The following GAS2 variants were observed in gnomAD, a reference collection of about 807,000 sequenced individuals.
GAS2 encodes the protein growth arrest specific 2.
Under a neutral mutation model 37.5 loss-of-function variants are expected in GAS2, and 20 were observed. The ratio of observed to expected loss-of-function variants is 0.53; its 90% CI spans 0.37 to 0.77. GAS2 has a LOEUF of 0.77. GAS2 is among the 30% of genes least tolerant of loss of function. The pLI, the probability that GAS2 is intolerant of heterozygous loss-of-function variation, is 0.00. For missense variants in GAS2, 336 were observed against 373.4 expected, an observed-to-expected ratio of 0.90 and a Z score of 0.82; for synonymous variants, 144 against 132.2, an observed-to-expected ratio of 1.09 and a Z score of -0.61.
chr11:22,729,387 G>A (rs1185918832), intron 4 of GAS2, among the ~76,000 whole-genome samples: 1 of 151,868 alleles, frequency 6.6e-6, no homozygotes, highest in Non-Finnish European at 1.5e-5. Context: ...GTGAGGGAAG[G>A]TGTGCAAGCG....
At chr11:22,641,705 T>A (rs1406061884) in intron 1 of GAS2, among the ~76,000 whole-genome samples, 1 of 152,174 alleles carries the variant, frequency 6.6e-6, no homozygotes, top group Non-Finnish European at 1.5e-5. Flanking sequence ...CTGAATGTGC[T>A]TTTGATTCCT....
chr11:22,752,439 C>T (rs1200229156), intron 6 of GAS2, among the ~76,000 whole-genome samples: 3 of 151,982 alleles, frequency 2.0e-5, no homozygotes, highest in Admixed American at 6.6e-5. Context: ...GAAATTAATA[C>T]ATCTAATATA....
chr11:22,678,860 T>C (rs778984825), intron 2 of GAS2, among the ~76,000 whole-genome samples: 1 of 151,990 alleles, frequency 6.6e-6, no homozygotes, highest in Non-Finnish European at 1.5e-5. Flanking sequence ...TGTATTATAC[T>C]GTCATTTCCA....
At chr11:22,644,202 T>A (rs897113033) in intron 1 of GAS2, among the ~76,000 whole-genome samples, 16 of 152,204 alleles carry the variant, frequency 1.1e-4, no homozygotes, top group African/African-American at 2.2e-4. Flanking sequence ...TTCTTTTTTT[T>A]AAAATTACTT....
At chr11:22,683,871 T>G (rs1849816491) in intron 2 of GAS2, among the ~76,000 whole-genome samples, 1 of 152,210 alleles carries the variant, frequency 6.6e-6, no homozygotes, top group Non-Finnish European at 1.5e-5. Context: ...CCTCAAGGTT[T>G]GTAACATACT....
chr11:22,661,399 T>C (rs1299410722), intron 1 of GAS2, among the ~76,000 whole-genome samples: 1 of 152,184 alleles, frequency 6.6e-6, no homozygotes, highest in African/African-American at 2.4e-5. Context: ...AGATTTGAAA[T>C]ATAAGGATGA....
rs1158832714 is a variant in GAS2 at position 22,789,383 on chromosome 11, CAT to C, written c.724-22408_724-22407del. Among the ~76,000 whole-genome samples, 304 of 56,394 alleles carry C rather than the reference CAT, an allele frequency of 5.4e-3. 7 individuals carry two copies. Among genetic ancestry groups the C allele is most frequent in the African/African-American group, 0.017 (283 of 16,862 alleles). The allele number at this position is 56,394 out of a possible 152,430, so 37.0% of individuals were successfully genotyped here. ...ATACACATATACACATATATATGTA[CAT>C]ATATATGTGTGTGTGTGTATGTGTG... On this transcript the variant is annotated intron_variant, in intron 7 of 7. Coordinates refer to ENST00000454584, the MANE Select transcript of GAS2 (RefSeq NM_001143830.3).
At chr11:22,643,105 T>C (rs999402966) in intron 1 of GAS2, among the ~76,000 whole-genome samples, 1 of 152,094 alleles carries the variant, frequency 6.6e-6, no homozygotes, top group African/African-American at 2.4e-5. Flanking sequence ...AATAAATGAA[T>C]AATGGGAAAA....
intron 4 of GAS2, among the ~76,000 whole-genome samples, chr11:22,736,815 C>T (rs1366332928): frequency 2.0e-5 from 3 of 149,662 alleles, no homozygotes; most frequent in Non-Finnish European, 3.0e-5. Flanking sequence ...GTTCTCAGTG[C>T]AAATTTTTTC....
chr11:22,750,706 CA>C (rs1044944430), intron 6 of GAS2, among the ~76,000 whole-genome samples: 5 of 151,878 alleles, frequency 3.3e-5, no homozygotes, highest in African/African-American at 1.2e-4. Flanking sequence ...TTGATGAGAA[CA>C]TTTTTTCTTC....
At chr11:22,650,434 C>A (rs1270686163) in intron 1 of GAS2, among the ~76,000 whole-genome samples, 1 of 151,852 alleles carries the variant, frequency 6.6e-6, no homozygotes, top group Admixed American at 6.6e-5. Context: ...TCTATTAGGT[C>A]CGTTTGGTGC....
At chr11:22,636,974 A>G (rs949712190) in intron 1 of GAS2, among the ~76,000 whole-genome samples, 6 of 141,236 alleles carry the variant, frequency 4.2e-5, no homozygotes, top group African/African-American at 1.5e-4. Flanking sequence ...TGATATTTAT[A>G]TCAATAGTAC....
chr11:22,674,957 G>A lies in GAS2; in HGVS notation c.88G>A (p.Glu30Lys), dbSNP rs1174567784. Residue 30 changes from glutamate to lysine, a missense_variant, in exon 2 of 8, where the codon GAA becomes AAA. Physicochemically the swap from Glu to Lys is moderately conservative, Grantham distance 56. Coordinates refer to ENST00000454584, the MANE Select transcript of GAS2 (RefSeq NM_001143830.3). Reference sequence around the variant, plus strand: ...TAGCCAATGGCTAGCCAGCAGACATGAAGCTAATTTGCTACCAATGAAAGA... The same window carrying A: ...TAGCCAATGGCTAGCCAGCAGACATAAAGCTAATTTGCTACCAATGAAAGA... ...QYSQWLASRH[E>K]ANLLPMKEDL... The A allele has an allele frequency of 1.2e-6, 2 of 1,613,960 alleles. No homozygotes were observed. The highest frequency in any genetic ancestry group is 1.1e-5 in the South Asian group (1 of 91,070).
At chr11:22,667,729 C>T (rs1338901020) in intron 1 of GAS2, among the ~76,000 whole-genome samples, 4 of 152,132 alleles carry the variant, frequency 2.6e-5, no homozygotes, top group Non-Finnish European at 5.9e-5. Flanking sequence ...GAAGAGGGAG[C>T]AAAAGCGAGG....
chr11:22,785,772 T>C (rs548836629), intron 7 of GAS2, among the ~76,000 whole-genome samples: 1 of 152,294 alleles, frequency 6.6e-6, no homozygotes, highest in South Asian at 2.1e-4. Flanking sequence ...CTTGTCGCTC[T>C]CTTCAGGATT....
intron 5 of GAS2, among the ~76,000 whole-genome samples, chr11:22,741,597 C>A (rs146100450): frequency 6.6e-6 from 1 of 151,834 alleles, no homozygotes; most frequent in Non-Finnish European, 1.5e-5. Flanking sequence ...AAAATACTTT[C>A]GGAACATTTT....
At chr11:22,660,319 G>A (rs371809368) in intron 1 of GAS2, among the ~76,000 whole-genome samples, 1 of 152,218 alleles carries the variant, frequency 6.6e-6, no homozygotes, top group African/African-American at 2.4e-5. Flanking sequence ...CTGAACGTTT[G>A]TATTTTTAAT....
chr11:22,698,241 C>T (rs556306507), intron 3 of GAS2, among the ~76,000 whole-genome samples: 50 of 152,292 alleles, frequency 3.3e-4, no homozygotes, highest in Middle Eastern at 3.4e-3. Context: ...CTACAAACAC[C>T]TCTATGCAAA....
chr11:22,674,110 C>T (rs1849314656), intron 1 of GAS2, among the ~76,000 whole-genome samples: 1 of 152,138 alleles, frequency 6.6e-6, no homozygotes, highest in South Asian at 2.1e-4. Context: ...TGTGTCATTA[C>T]AGAAAGAGTA....
Sources: allele counts gnomAD v4.1 joint callset (sites outside exome capture counted in the v4.1 genomes callset), GRCh38; gene constraint gnomAD v4.1.1; transcripts MANE v1.5; gene names NCBI Gene and HGNC (gene_info 2026-07-23, HGNC 2026-07-21).